Variants in PRKCA observed in about 807,000 individuals in gnomAD.
The protein encoded by PRKCA is protein kinase C alpha, also known as protein kinase C alpha type.
In PRKCA, 27 loss-of-function variants were observed where a neutral mutation model predicts 87.0. The observed-to-expected ratio is 0.31, with a 90% CI of 0.23 to 0.43. The LOEUF is 0.43. Ranked by LOEUF, PRKCA falls within the 20% of genes least tolerant of loss-of-function variation. The probability of loss-of-function intolerance (pLI) is 1.00; values close to 1 mark genes in which losing one functional copy is unlikely to be tolerated. For synonymous variants in PRKCA, 329 were observed against 311.1 expected, an observed-to-expected ratio of 1.06 and a Z score of -0.61; for missense variants, 518 against 852.3, an observed-to-expected ratio of 0.61 and a Z score of 4.88.
rs560620304 is a variant in PRKCA, at chr17:66,306,158, G to A, written c.205+31G>A. On this transcript the variant is annotated intron_variant, in intron 2 of 16. Coordinates refer to ENST00000413366, the MANE Select transcript of PRKCA (RefSeq NM_002737.3). Reference sequence around the variant, plus strand: ...CTACCACTTTTGGTTTTATTTTCAAGCACAACATGAAATAAGCATTCCAAA... The same window carrying A: ...CTACCACTTTTGGTTTTATTTTCAAACACAACATGAAATAAGCATTCCAAA... 7.5e-6 allele frequency: 12 copies of A among 1,597,646 alleles called. No individual in the cohort carries two copies. The East Asian group carries it at 2.2e-4, about 30-fold the overall frequency.
intron 8 of PRKCA, among the ~76,000 whole-genome samples, chr17:66,706,603 A>G (rs943362275): frequency 2.0e-5 from 3 of 150,910 alleles, no homozygotes; most frequent in Admixed American, 1.3e-4. Context: ...ACGCCACTGC[A>G]CTCCAGCCTG....
At chr17:66,488,023 A>G (rs7216281) in intron 2 of PRKCA, among the ~76,000 whole-genome samples, 238 of 152,302 alleles carry the variant, frequency 1.6e-3, no homozygotes, top group African/African-American at 5.4e-3. Context: ...TGTCCAGACC[A>G]TAATGCCCTG....
At chr17:66,380,413 G>A (rs1305592379) in intron 2 of PRKCA, among the ~76,000 whole-genome samples, 1 of 152,042 alleles carries the variant, frequency 6.6e-6, no homozygotes, top group Non-Finnish European at 1.5e-5. Flanking sequence ...ACCTCATGGG[G>A]TTCTTGTGAG....
At chr17:66,490,354 T>TC (rs1181911278) in intron 2 of PRKCA, among the ~76,000 whole-genome samples, 1 of 151,830 alleles carries the variant, frequency 6.6e-6, no homozygotes, top group African/African-American at 2.4e-5. Context: ...TCTTTTTTTT[T>TC]TTTTTTGAGA....
chr17:66,519,472 A>G (rs1214850798), intron 3 of PRKCA, among the ~76,000 whole-genome samples: 1 of 151,764 alleles, frequency 6.6e-6, no homozygotes, highest in African/African-American at 2.4e-5. Context: ...GGTATAGTGG[A>G]CTCTTGCTGC....
intron 2 of PRKCA, among the ~76,000 whole-genome samples, chr17:66,485,508 C>T (rs999562682): frequency 1.3e-5 from 2 of 152,178 alleles, no homozygotes; most frequent in African/African-American, 2.4e-5. Flanking sequence ...ACGTGAGAAT[C>T]GAAGCCTGAG....
intron 13 of PRKCA, among the ~76,000 whole-genome samples, chr17:66,768,682 A>T (rs557562477): frequency 3.1e-4 from 47 of 152,316 alleles, no homozygotes; most frequent in Admixed American, 6.5e-4. Context: ...GAAGCGCCAA[A>T]CACTTTTAAA....
At position 66,394,865 on chromosome 17, in the gene PRKCA, G is replaced by A. The variant is rs375205660; in HGVS notation, c.205+88738G>A. On this transcript the variant is annotated intron_variant, in intron 2 of 16. Coordinates refer to ENST00000413366, the MANE Select transcript of PRKCA (RefSeq NM_002737.3). ...GAAGAAGGTGCCTTGCCTCCCCTTC[G>A]CCTTCTGCCATGATTGTAAGTTTCC... Among the ~76,000 whole-genome samples the A allele has an allele frequency of 4.6e-4, 70 of 152,174 alleles. 2 individuals are homozygous for A. The East Asian group carries it at 6.4e-3, about 14-fold the overall frequency.
intron 5 of PRKCA, among the ~76,000 whole-genome samples, chr17:66,646,363 A>G (rs1391985440): frequency 6.6e-6 from 1 of 152,072 alleles, no homozygotes; most frequent in Non-Finnish European, 1.5e-5. Flanking sequence ...CCTAGGACCC[A>G]TCCCGTGTCC....
intron 8 of PRKCA, among the ~76,000 whole-genome samples, chr17:66,698,751 A>C (rs1972988979): frequency 6.6e-6 from 1 of 151,448 alleles, no homozygotes; most frequent in Admixed American, 6.6e-5. Flanking sequence ...AGGCAGGTGG[A>C]TCACTTGAGG....
At chr17:66,454,121 A>G (rs1367114449) in intron 2 of PRKCA, among the ~76,000 whole-genome samples, 1 of 152,222 alleles carries the variant, frequency 6.6e-6, no homozygotes, top group Non-Finnish European at 1.5e-5. Flanking sequence ...TCAAAATTAT[A>G]CAATTAATTG....
intron 3 of PRKCA, among the ~76,000 whole-genome samples, chr17:66,561,523 C>T (rs1328929296): frequency 2.0e-5 from 3 of 152,114 alleles, no homozygotes; most frequent in Non-Finnish European, 4.4e-5. Flanking sequence ...TAATTCCTGT[C>T]TTAGAAATAA....
At chr17:66,558,547 G>T (rs1968574820) in intron 3 of PRKCA, among the ~76,000 whole-genome samples, 1 of 152,180 alleles carries the variant, frequency 6.6e-6, no homozygotes, top group Non-Finnish European at 1.5e-5. Context: ...CAGGTGAGCT[G>T]AGCAGAGGCA....
intron 11 of PRKCA, among the ~76,000 whole-genome samples, chr17:66,740,512 A>G (rs943164211): frequency 1.3e-5 from 2 of 152,172 alleles, no homozygotes; most frequent in Non-Finnish European, 2.9e-5. Flanking sequence ...GCGAGGGATT[A>G]TGCACCCTAG....
intron 2 of PRKCA, among the ~76,000 whole-genome samples, chr17:66,461,089 C>T (rs117452418): frequency 0.049 from 7,427 of 151,816 alleles, 271 homozygotes; most frequent in Non-Finnish European, 0.076. Context: ...GCCTGTAGTT[C>T]CAGCTACTCA....
intron 2 of PRKCA, among the ~76,000 whole-genome samples, chr17:66,406,585 G>GCTTTTTTTTTTT (rs529714675): frequency 1.4e-5 from 1 of 70,180 alleles, no homozygotes; most frequent in Non-Finnish European, 2.7e-5. Context: ...GCTTTTCCAG[G>GCTTTTTTTTTTT]TTTTTTTTTT....
intron 2 of PRKCA, among the ~76,000 whole-genome samples, chr17:66,459,159 G>C (rs866962536): frequency 6.6e-6 from 1 of 150,488 alleles, no homozygotes; most frequent in Non-Finnish European, 1.5e-5. Context: ...GATTGCTTCA[G>C]CCCAGGAGTT....
chr17:66,770,780 GT>G (rs1463237174), intron 13 of PRKCA, among the ~76,000 whole-genome samples: 1 of 152,168 alleles, frequency 6.6e-6, no homozygotes, highest in Non-Finnish European at 1.5e-5. Flanking sequence ...GATGTGGAGG[GT>G]TGCAGTGTCA....
Position 66,774,401 on chromosome 17 carries a change from G to A in PRKCA, c.1605+334G>A, listed in dbSNP as rs1473197816. 14 of 1,091,756 alleles carry A rather than the reference G, an allele frequency of 1.3e-5. No homozygotes were observed. In the East Asian group the frequency reaches 1.7e-4, roughly 13 times the overall value. The allele number at this position is 1,091,756 out of a possible 1,614,324, so 67.6% of individuals were successfully genotyped here. ...TTTCAGAAGCCAAGGCAGGCGGATC[G>A]CCTGAGGTCAGGAGTTCGAGACCAC... On this transcript the variant is annotated intron_variant, in intron 14 of 16. Transcript: ENST00000413366.
Sources: allele counts gnomAD v4.1 joint callset (sites outside exome capture counted in the v4.1 genomes callset), GRCh38; gene constraint gnomAD v4.1.1; transcripts MANE v1.5; gene names NCBI Gene and HGNC (gene_info 2026-07-23, HGNC 2026-07-21).